Variants in RFWD3 observed in about 807,000 individuals in gnomAD.
RFWD3 encodes E3 ubiquitin-protein ligase RFWD3.
RFWD3 carries 65 observed loss-of-function variants against 87.7 expected under a neutral mutation model. The ratio of observed to expected loss-of-function variants is 0.74; its 90% CI spans 0.61 to 0.91. RFWD3 has a LOEUF of 0.91. Among genes scored for constraint, RFWD3 ranks in the 40% least tolerant of loss-of-function variants. The pLI, the probability that RFWD3 is intolerant of heterozygous loss-of-function variation, is 0.00. For synonymous variants in RFWD3, 433 were observed against 352.8 expected (o/e 1.23, Z -2.55); for missense variants, 1,078 against 938.5 (o/e 1.15, Z -1.94).
intron 4 of RFWD3, among the ~76,000 whole-genome samples, chr16:74,645,231 A>G (rs929236301): frequency 6.6e-6 from 1 of 152,220 alleles, no homozygotes; most frequent in African/African-American, 2.4e-5. Flanking sequence ...ATGCTTATAT[A>G]CTGTTGCCTT....
Position 74,647,683 on chromosome 16 carries a change from C to T in RFWD3, c.792+1449G>A, listed in dbSNP as rs183715551. Among the ~76,000 whole-genome samples the T allele has an allele frequency of 2.0e-4, 31 of 152,218 alleles. No homozygotes were observed. The East Asian group carries it at 5.2e-3, about 26-fold the overall frequency. ...TTGGGCTCACTGCAACTTCTGCCTC[C>T]CAGGTTCAAGCGATTCTCCTATCTC... On this transcript the variant is annotated intron_variant, in intron 4 of 12. Transcript: ENST00000361070.
Position 74,636,445 on chromosome 16 carries a change from T to A in RFWD3, c.1327A>T (p.Thr443Ser). ...CGGCAGTTTCCTGCCTGAGATACTG[T>A]GAAGGTCTTTTGGAAGTGGTACTTG... ...KHKYHFQKTF[T>S]VSQAGNCRIM... The change falls in exon 8 of 13, where the codon ACA becomes TCA. Residue 443 changes from threonine (T) to serine (S), a missense_variant. Thr to Ser is a moderately conservative substitution (Grantham distance 58). Transcript: ENST00000361070. 6.2e-7 allele frequency: 1 copy of A among 1,614,124 alleles called. No homozygotes were observed. The highest frequency in any genetic ancestry group is 2.2e-5 in the East Asian group (1 of 44,870).
At chr16:74,631,038 G>C (rs1021007378) in intron 9 of RFWD3, 81 bp from the exon 10 acceptor site, 1 of 1,285,698 alleles carries the variant, frequency 7.8e-7, no homozygotes, top group Non-Finnish European at 1.1e-6. Flanking sequence ...TCATTTAAAT[G>C]ATCATTAATC....
At chr16:74,641,798 C>T (rs935137681) in intron 6 of RFWD3, among the ~76,000 whole-genome samples, 6 of 151,196 alleles carry the variant, frequency 4.0e-5, no homozygotes, top group Non-Finnish European at 8.8e-5. Context: ...TGGTGAAAGG[C>T]GCCTGTAATC....
chr16:74,638,700 T>A (rs1348526752), intron 6 of RFWD3, among the ~76,000 whole-genome samples: 2 of 152,194 alleles, frequency 1.3e-5, no homozygotes, highest in Admixed American at 6.5e-5. Flanking sequence ...AAAAATTAGA[T>A]CAACAGCAGT....
chr16:74,666,845 G>GCCGAAGACTCGGTAGGTACCTCC lies in RFWD3; in HGVS notation c.-63_-62insGGAGGTACCTACCGAGTCTTCGG, dbSNP rs56890104. ...CCGCCGAAGACTCGGTAGTTACCTC[G>GCCGAAGACTCGGTAGGTACCTCC]GCCGCACTCCGAATGCACCTACGCC... On this transcript the variant is annotated 5_prime_UTR_variant, in exon 1 of 13. Coordinates refer to ENST00000361070, the MANE Select transcript of RFWD3 (RefSeq NM_018124.4). The GCCGAAGACTCGGTAGGTACCTCC allele has an allele frequency of 6.6e-6, 1 of 150,860 alleles. No individual in the cohort carries two copies. Among genetic ancestry groups the GCCGAAGACTCGGTAGGTACCTCC allele is most frequent in the Non-Finnish European group, 1.5e-5 (1 of 67,736 alleles). 9.3% of individuals were successfully genotyped at this position (150,860 alleles called of 1,614,324 possible).
At chr16:74,633,417 A>G (rs1270524579) in intron 8 of RFWD3, among the ~76,000 whole-genome samples, 2 of 152,174 alleles carry the variant, frequency 1.3e-5, no homozygotes, top group Non-Finnish European at 2.9e-5. Flanking sequence ...CTACTGTATA[A>G]ACATGTGATG....
At chr16:74,666,643 C>T (rs980074257) in intron 1 of RFWD3, 143 bp downstream of exon 1, 1 of 152,294 alleles carries the variant, frequency 6.6e-6, no homozygotes, top group African/African-American at 2.4e-5. Context: ...GGGCCCGAAT[C>T]CCCTCAGGCC....
At chr16:74,642,867 G>C (rs927266356) in intron 6 of RFWD3, among the ~76,000 whole-genome samples, 1 of 152,254 alleles carries the variant, frequency 6.6e-6, no homozygotes, top group South Asian at 2.1e-4. Flanking sequence ...AAGGCTGTTC[G>C]TTTTATTAGT....
At chr16:74,666,191 TAGA>T (rs1257620007) in intron 1 of RFWD3, 30 of 87,558 alleles carry the variant, frequency 3.4e-4, no homozygotes, top group African/African-American at 1.0e-3. Context: ...ATTAGATAGA[TAGA>T]TAGATAGATA....
At chr16:74,631,512 T>C (rs1178942713) in intron 9 of RFWD3, among the ~76,000 whole-genome samples, 1 of 151,742 alleles carries the variant, frequency 6.6e-6, no homozygotes, top group Non-Finnish European at 1.5e-5. Context: ...ACCAACACTC[T>C]GGTATGTAAC....
At chr16:74,646,718 G>A (rs1051024466) in intron 4 of RFWD3, among the ~76,000 whole-genome samples, 5 of 151,816 alleles carry the variant, frequency 3.3e-5, no homozygotes, top group African/African-American at 9.7e-5. Flanking sequence ...CTCAGGAGGT[G>A]GAAAGAAAAG....
At chr16:74,657,224 G>GGCAGAT (rs1961053513) in intron 2 of RFWD3, among the ~76,000 whole-genome samples, 1 of 152,160 alleles carries the variant, frequency 6.6e-6, no homozygotes, top group African/African-American at 2.4e-5. Context: ...TATGATTACA[G>GGCAGAT]GCAGATGCTT....
intron 4 of RFWD3, 28 bp downstream of exon 4, chr16:74,649,100 AATAG>A (rs747145923): frequency 1.4e-6 from 2 of 1,420,274 alleles, no homozygotes; most frequent in Admixed American, 3.8e-5. Context: ...TAAATAAATA[AATAG>A]ATTTTTTTAA....
intron 4 of RFWD3, 147 bp from the exon 5 acceptor site, chr16:74,644,882 G>C (rs1960002407): frequency 3.0e-6 from 2 of 663,888 alleles, no homozygotes; most frequent in Non-Finnish European, 2.5e-6. Context: ...TGAATCACTT[G>C]TCATTCTTTC....
chr16:74,657,774 A>G (rs1961113647), intron 2 of RFWD3, among the ~76,000 whole-genome samples: 1 of 152,154 alleles, frequency 6.6e-6, no homozygotes, highest in African/African-American at 2.4e-5. Flanking sequence ...GCGCCTAGCC[A>G]GGTTTTCTTT....
chr16:74,645,599 C>T (rs1331065834), intron 4 of RFWD3, among the ~76,000 whole-genome samples: 3 of 152,140 alleles, frequency 2.0e-5, no homozygotes, highest in Non-Finnish European at 2.9e-5. Flanking sequence ...GTGATCCGCC[C>T]GCCTTGGTCT....
Position 74,630,763 on chromosome 16 carries a change from G to C in RFWD3, c.1754+18C>G. The C allele has an allele frequency of 6.3e-7, 1 of 1,576,376 alleles. No individual in the cohort carries two copies. Among genetic ancestry groups the C allele is most frequent in the Non-Finnish European group, 8.6e-7 (1 of 1,161,902 alleles). On this transcript the variant is annotated intron_variant, in intron 10 of 12. Transcript: ENST00000361070. ...GAGAAAGCTGCTACCACCAGGAAAA[G>C]AGTGAGTGGCTCCCTACCTGGCTTT...
intron 2 of RFWD3, among the ~76,000 whole-genome samples, chr16:74,657,526 A>G (rs1597455258): frequency 7.4e-6 from 1 of 135,074 alleles, no homozygotes; most frequent in African/African-American, 2.9e-5. Flanking sequence ...CCCAGGCTGG[A>G]GTGTAGTGGC....
Sources: gnomAD v4.1 joint callset for allele counts (sites outside exome capture counted in the v4.1 genomes callset) on GRCh38, gnomAD v4.1.1 for gene constraint, MANE v1.5 for transcripts, NCBI Gene and HGNC (gene_info 2026-07-23, HGNC 2026-07-21) for gene names.